Variants in TTC27 observed in about 807,000 individuals in gnomAD.
The protein encoded by TTC27 is tetratricopeptide repeat domain 27.
In TTC27, 79 loss-of-function variants were observed where a neutral mutation model predicts 115.9. That is an observed-to-expected ratio of 0.68 (90% CI 0.57 to 0.82). The LOEUF is 0.82. Among genes scored for constraint, TTC27 ranks in the 40% least tolerant of loss-of-function variants. The pLI is 0.00. For synonymous variants in TTC27, 401 were observed against 356.0 expected (o/e 1.13, Z -1.42); for missense variants, 1,054 against 993.1 (o/e 1.06, Z -0.82).
rs571368289 is a variant in TTC27, at chr2:32,735,557, G to A, written c.1330-1137G>A. Among the ~76,000 whole-genome samples the A allele has an allele frequency of 1.6e-4, 24 of 152,214 alleles. 2 individuals are homozygous for A. In the South Asian group the frequency reaches 4.4e-3, roughly 28 times the overall value. ...GATAAGGATCATTTTTCATTAAGAC[G>A]TTAATTACTTTTTCTTGCATCATGG... On this transcript the variant is annotated intron_variant, in intron 11 of 19. Coordinates refer to ENST00000317907, the MANE Select transcript of TTC27 (RefSeq NM_017735.5).
chr2:32,781,108 C>T (rs1294215311), intron 14 of TTC27, among the ~76,000 whole-genome samples: 2 of 152,262 alleles, frequency 1.3e-5, no homozygotes, highest in East Asian at 3.9e-4. Context: ...TGGCAGAGTG[C>T]AAAATTAGTC....
intron 16 of TTC27, among the ~76,000 whole-genome samples, chr2:32,789,446 G>A (rs983726710): frequency 6.6e-6 from 1 of 152,162 alleles, no homozygotes; most frequent in African/African-American, 2.4e-5. Flanking sequence ...TGTAGGGAGA[G>A]AGGTGATATT....
At chr2:32,684,608 G>A (rs934504603) in intron 9 of TTC27, among the ~76,000 whole-genome samples, 83 of 152,130 alleles carry the variant, frequency 5.5e-4, no homozygotes, top group African/African-American at 1.9e-3. Flanking sequence ...TGACTTTAAA[G>A]CTATTTAATA....
intron 16 of TTC27, among the ~76,000 whole-genome samples, chr2:32,793,518 A>G (rs1395243036): frequency 6.6e-6 from 1 of 152,096 alleles, no homozygotes; most frequent in African/African-American, 2.4e-5. Flanking sequence ...TTATTGTAAC[A>G]ATGTTTGTTG....
chr2:32,628,454 C>T, intron 1 of TTC27, 74 bp downstream of exon 1: 2 of 1,354,788 alleles, frequency 1.5e-6, no homozygotes. Context: ...GACTGATTCT[C>T]ATCCCTCCCT....
chr2:32,731,990 A>G (rs1184608984), intron 10 of TTC27, among the ~76,000 whole-genome samples: 1 of 151,946 alleles, frequency 6.6e-6, no homozygotes, highest in Non-Finnish European at 1.5e-5. Context: ...ATTAGGTGTT[A>G]GTAATAGTAA....
At chr2:32,668,190 C>CA (rs1476198818) in intron 7 of TTC27, among the ~76,000 whole-genome samples, 3 of 150,356 alleles carry the variant, frequency 2.0e-5, no homozygotes, top group South Asian at 2.1e-4. Context: ...GACTCCGTCT[C>CA]AAAAAAAAGA....
At chr2:32,803,132 C>T (rs923282831) in intron 16 of TTC27, among the ~76,000 whole-genome samples, 4 of 152,246 alleles carry the variant, frequency 2.6e-5, no homozygotes, top group African/African-American at 9.6e-5. Flanking sequence ...CCACCTCCCA[C>T]CATCACCAAG....
chr2:32,775,262 A>G (rs1435401222), intron 13 of TTC27, among the ~76,000 whole-genome samples: 2 of 152,192 alleles, frequency 1.3e-5, no homozygotes, highest in Non-Finnish European at 2.9e-5. Context: ...CAGTGGCGCC[A>G]TCTCAGCTCA....
Position 32,681,292 on chromosome 2 carries a change from G to A in TTC27, c.1119+2370G>A, listed in dbSNP as rs114765720. 3.6e-3 allele frequency among the ~76,000 whole-genome samples: 541 copies of A among 152,136 alleles called. 1 individual carries two copies. Among genetic ancestry groups the A allele is most frequent in the African/African-American group, 0.012 (495 of 41,476 alleles). The stretch of plus-strand genomic sequence containing the variant: ...ACTTTGGGCTTTGCACTGTCTCCCC[G>A]ACATTTTTTTAATCTCAAATGAAAC... On this transcript the variant is annotated intron_variant, in intron 9 of 19. Coordinates refer to ENST00000317907, the MANE Select transcript of TTC27 (RefSeq NM_017735.5).
In TTC27 at chr2:32,758,359, A is replaced by G. The variant is rs765128879; in HGVS notation, c.1520A>G (p.Asp507Gly). 3 of 1,614,166 alleles carry G rather than the reference A, an allele frequency of 1.9e-6. No homozygotes were observed. The African/African-American group carries it at 4.0e-5, about 22-fold the overall frequency. ...ETPSLYCLLG[D>G]VLGDHSCYDK... ...CCTAGTTTATACTGCTTGCTTGGAG[A>G]TGTCCTCGGAGACCATTCTTGCTAT... The change falls in exon 13 of 20, where the codon GAT becomes GGT. Residue 507 changes from aspartate to glycine, a missense_variant. Physicochemically the swap from Asp to Gly is moderately conservative, Grantham distance 94. Coordinates refer to ENST00000317907, the MANE Select transcript of TTC27 (RefSeq NM_017735.5).
intron 10 of TTC27, among the ~76,000 whole-genome samples, chr2:32,711,299 C>A (rs545181571): frequency 1.3e-5 from 2 of 152,278 alleles, no homozygotes; most frequent in South Asian, 2.1e-4. Flanking sequence ...TAGACAGTTA[C>A]TTCTGCCTCC....
At chr2:32,780,012 A>G in intron 14 of TTC27, 1 of 424,040 alleles carries the variant, frequency 2.4e-6, no homozygotes, top group Non-Finnish European at 5.1e-6. Context: ...TGGTCCATCA[A>G]TCACATTTCA....
At chr2:32,670,476 A>T (rs1665972004) in intron 7 of TTC27, among the ~76,000 whole-genome samples, 1 of 152,144 alleles carries the variant, frequency 6.6e-6, no homozygotes, top group Non-Finnish European at 1.5e-5. Context: ...GGTCTGGCTT[A>T]ATGGTTTCAA....
intron 16 of TTC27, among the ~76,000 whole-genome samples, chr2:32,795,870 C>A (rs1670687005): frequency 6.6e-6 from 1 of 151,972 alleles, no homozygotes; most frequent in East Asian, 1.9e-4. Flanking sequence ...TGAGCCACTG[C>A]TCCCAGCCTG....
chr2:32,756,331 A>C (rs1218064628), intron 12 of TTC27, among the ~76,000 whole-genome samples: 3 of 152,242 alleles, frequency 2.0e-5, no homozygotes, highest in Non-Finnish European at 4.4e-5. Flanking sequence ...TTTGTGGTTG[A>C]ATACATCTCT....
chr2:32,654,584 G>A (rs1366151587), intron 5 of TTC27, among the ~76,000 whole-genome samples: 1 of 152,002 alleles, frequency 6.6e-6, no homozygotes, highest in African/African-American at 2.4e-5. Flanking sequence ...GTGCTGGAGT[G>A]CAGTGATGCG....
chr2:32,681,980 ATGTGTGTGTGTGTGTG>A (rs70938359), intron 9 of TTC27, among the ~76,000 whole-genome samples: 1,812 of 90,030 alleles, frequency 0.02, 31 homozygotes, highest in Middle Eastern at 0.053. Context: ...ATGTATATAT[ATGTGTGTGTGTGTGTG>A]TGTGTGTGTG....
chr2:32,782,755 T>A lies in TTC27; in HGVS notation c.1832+77T>A, dbSNP rs1388821587. The stretch of plus-strand genomic sequence containing the variant: ...AGATTTTCTACAACTGAACATTGTT[T>A]CAATGTTTCTCCTTGTTTTACCTTT... On this transcript the variant is annotated intron_variant, in intron 15 of 19. Coordinates refer to ENST00000317907, the MANE Select transcript of TTC27 (RefSeq NM_017735.5). The A allele has an allele frequency of 1.3e-5, 15 of 1,163,700 alleles. No individual in the cohort carries two copies. The East Asian group carries it at 3.1e-4, about 24-fold the overall frequency. 72.1% of individuals were successfully genotyped at this position (1,163,700 alleles called of 1,614,324 possible).
Sources: gnomAD v4.1 joint callset for allele counts (sites outside exome capture counted in the v4.1 genomes callset) on GRCh38, gnomAD v4.1.1 for gene constraint, MANE v1.5 for transcripts, NCBI Gene and HGNC (gene_info 2026-07-23, HGNC 2026-07-21) for gene names.